The following SEL1L3 variants were observed in gnomAD, a reference collection of about 807,000 sequenced individuals.
SEL1L3 encodes SEL1L family member 3.
In SEL1L3, 76 loss-of-function variants were observed where a neutral mutation model predicts 142.8. The observed-to-expected ratio is 0.53, with a 90% CI of 0.44 to 0.64. The LOEUF (loss-of-function observed/expected upper bound fraction) is 0.64. Ranked by LOEUF, SEL1L3 falls within the 30% of genes least tolerant of loss-of-function variation. SEL1L3 has a pLI of 0.00. For synonymous variants in SEL1L3, 504 were observed against 519.6 expected, an observed-to-expected ratio of 0.97 and a Z score of 0.41; for missense variants, 1,262 against 1,381.7, an observed-to-expected ratio of 0.91 and a Z score of 1.37.
chr4:25,835,458 T>C, intron 2 of SEL1L3, 135 bp from the exon 3 acceptor site: 1 of 924,648 alleles, frequency 1.1e-6, no homozygotes, highest in Non-Finnish European at 1.6e-6. Flanking sequence ...TTAGCAAACA[T>C]CTGTTGAATA....
At chr4:25,836,945 G>T (rs994470557) in intron 2 of SEL1L3, among the ~76,000 whole-genome samples, 13 of 152,054 alleles carry the variant, frequency 8.5e-5, no homozygotes, top group Non-Finnish European at 1.8e-4. Flanking sequence ...AGGCCCTTGT[G>T]TATTTTAATA....
chr4:25,754,520 T>A (rs1256328790), intron 23 of SEL1L3, among the ~76,000 whole-genome samples: 5 of 151,808 alleles, frequency 3.3e-5, no homozygotes, highest in African/African-American at 1.2e-4. Context: ...GTCCCATATT[T>A]CAACTCTTAA....
At chr4:25,830,235 T>A in intron 5 of SEL1L3, 79 bp from the exon 6 acceptor site, 1 of 889,900 alleles carries the variant, frequency 1.1e-6, no homozygotes, top group Non-Finnish European at 1.9e-6. Context: ...TGTAAATTAC[T>A]CATGATATGT....
At chr4:25,854,654 A>C (rs1261794732) in intron 1 of SEL1L3, among the ~76,000 whole-genome samples, 2 of 152,220 alleles carry the variant, frequency 1.3e-5, no homozygotes, top group Non-Finnish European at 2.9e-5. Context: ...AGGAGTTCTC[A>C]TATAGGAGAA....
At chr4:25,757,142 C>G (rs1156781052) in intron 23 of SEL1L3, among the ~76,000 whole-genome samples, 1 of 151,924 alleles carries the variant, frequency 6.6e-6, no homozygotes, top group Admixed American at 6.6e-5. Flanking sequence ...GTGGCGCACA[C>G]CTGTAGTCCC....
chr4:25,830,865 A>C lies in SEL1L3; in HGVS notation c.1099-709T>G, dbSNP rs535854602. The stretch of plus-strand genomic sequence containing the variant: ...AGCCATACAACATGTTGGTTCAGAA[A>C]AGAAAATGTCTCACGCCAGTTGTTT... On this transcript the variant is annotated intron_variant, in intron 5 of 23. Coordinates refer to ENST00000399878, the MANE Select transcript of SEL1L3 (RefSeq NM_015187.5). 2.0e-5 allele frequency among the ~76,000 whole-genome samples: 3 copies of C among 152,328 alleles called. No individual in the cohort carries two copies. The East Asian group carries it at 5.8e-4, about 29-fold the overall frequency.
intron 2 of SEL1L3, among the ~76,000 whole-genome samples, chr4:25,837,885 A>G (rs769542082): frequency 4.6e-5 from 7 of 152,162 alleles, no homozygotes; most frequent in Non-Finnish European, 1.0e-4. Context: ...GGGCAGTGGA[A>G]TGGGTAGCAA....
At chr4:25,830,732 A>G (rs1300260962) in intron 5 of SEL1L3, among the ~76,000 whole-genome samples, 1 of 152,184 alleles carries the variant, frequency 6.6e-6, no homozygotes, top group Non-Finnish European at 1.5e-5. Flanking sequence ...GGCCACTTAC[A>G]TTCTGCTAGT....
In SEL1L3 at chr4:25,833,018, C is replaced by G; in HGVS notation, c.1075G>C (p.Asp359His). The change falls in exon 5 of 24, where the codon GAT becomes CAT. Residue 359 changes from aspartate to histidine, a missense_variant. Physicochemically the swap from Asp to His is moderately conservative, Grantham distance 81. Around this residue, in one of 3 missense-constraint regions of SEL1L3, gnomAD observed 689 missense variants for 692.8 expected, o/e 0.99. Coordinates refer to ENST00000399878, the MANE Select transcript of SEL1L3 (RefSeq NM_015187.5). The stretch of plus-strand genomic sequence containing the variant: ...ACCTGGCCTCCGTTAAAAGAGATAT[C>G]CAGTCGAAACCACTCCTTCAAAGGT... Reference protein sequence around the residue: ...IIPLKEWFRLDISFNGGQIVV... With the variant: ...IIPLKEWFRLHISFNGGQIVV... 6.2e-7 allele frequency: 1 copy of G among 1,606,460 alleles called. No homozygotes were observed. The highest frequency in any genetic ancestry group is 8.5e-7 in the Non-Finnish European group (1 of 1,173,178).
chr4:25,854,543 G>A (rs1717116808), intron 1 of SEL1L3, among the ~76,000 whole-genome samples: 1 of 152,224 alleles, frequency 6.6e-6, no homozygotes, highest in Admixed American at 6.5e-5. Context: ...CTTCCAAAGT[G>A]CTGGGATTAC....
intron 2 of SEL1L3, among the ~76,000 whole-genome samples, chr4:25,843,695 G>A (rs1308952283): frequency 2.6e-5 from 4 of 152,212 alleles, no homozygotes; most frequent in South Asian, 2.1e-4. Flanking sequence ...CACGTGCACC[G>A]GGGGCATGTG....
chr4:25,790,877 A>C (rs1712287565), intron 11 of SEL1L3, among the ~76,000 whole-genome samples: 1 of 152,242 alleles, frequency 6.6e-6, no homozygotes, highest in African/African-American at 2.4e-5. Context: ...ACATGACATT[A>C]TTCTTAAACC....
At chr4:25,798,482 G>T (rs964790272) in intron 11 of SEL1L3, among the ~76,000 whole-genome samples, 1 of 152,208 alleles carries the variant, frequency 6.6e-6, no homozygotes, top group Non-Finnish European at 1.5e-5. Flanking sequence ...CCAGTGTGCA[G>T]TGGTGAACTT....
intron 1 of SEL1L3, among the ~76,000 whole-genome samples, chr4:25,849,311 A>G (rs1436766145): frequency 6.6e-6 from 1 of 152,242 alleles, no homozygotes; most frequent in African/African-American, 2.4e-5. Flanking sequence ...GGTAGAAAAA[A>G]TGTGGTATAT....
chr4:25,820,377 C>T (rs1385106088), intron 7 of SEL1L3, among the ~76,000 whole-genome samples: 1 of 152,258 alleles, frequency 6.6e-6, no homozygotes, highest in Non-Finnish European at 1.5e-5. Context: ...TCAGGACAGG[C>T]CCCCCTAGTG....
chr4:25,767,250 A>G (rs1447164935), intron 19 of SEL1L3, among the ~76,000 whole-genome samples: 2 of 152,124 alleles, frequency 1.3e-5, no homozygotes, highest in African/African-American at 4.8e-5. Context: ...ATTCCACTGC[A>G]CTCCAGCCCG....
At chr4:25,721,580 A>G in the SEL1L3 span, among the ~76,000 whole-genome samples, 1 of 152,206 alleles carries the variant, frequency 6.6e-6, no homozygotes, top group Non-Finnish European at 1.5e-5. Flanking sequence ...TTAATAATGC[A>G]AAAATTCTAT....
chr4:25,736,344 C>G, the SEL1L3 span, among the ~76,000 whole-genome samples: 1 of 151,834 alleles, frequency 6.6e-6, no homozygotes, highest in Non-Finnish European at 1.5e-5. Flanking sequence ...CTGCCTCAGC[C>G]TCCTCAGTAG....
At position 25,847,377 on chromosome 4, in the gene SEL1L3, T is replaced by C; in HGVS notation, c.650A>G (p.Asp217Gly). ...GTTCCACTCAAGGCACACTTGATGA[T>C]CTTTGAAAGGGCGTTCAAAAGGCGG... is the stretch of plus-strand genomic sequence containing the variant. ...TIPPFERPFK[D>G]HQVCLEWNMG... Residue 217 changes from aspartate (D) to glycine (G), a missense_variant, in exon 2 of 24, where the codon GAT becomes GGT. By Grantham distance (94) the Asp-to-Gly change is moderately conservative. This residue lies in a region of SEL1L3 where 689 missense variants were observed against 692.8 expected (regional missense o/e 0.99). Coordinates refer to ENST00000399878, the MANE Select transcript of SEL1L3 (RefSeq NM_015187.5). 1.9e-6 allele frequency: 3 copies of C among 1,614,036 alleles called. No individual in the cohort carries two copies. The highest frequency in any genetic ancestry group is 1.7e-5 in the Admixed American group (1 of 60,024).
Sources: allele counts gnomAD v4.1 joint callset (sites outside exome capture counted in the v4.1 genomes callset), GRCh38; gene constraint gnomAD v4.1.1; regional missense constraint gnomAD v4.1.1; transcripts MANE v1.5; gene names NCBI Gene and HGNC (gene_info 2026-07-23, HGNC 2026-07-21).